COG5: variants seen among roughly 807,000 people sequenced by gnomAD.
COG5 encodes component of oligomeric golgi complex 5.
In COG5, 86 loss-of-function variants were observed where a neutral mutation model predicts 110.4. The observed-to-expected ratio is 0.78, with a 90% CI of 0.65 to 0.93. COG5 has a LOEUF of 0.93. Among genes scored for constraint, COG5 ranks in the 40% least tolerant of loss-of-function variants. The pLI is 0.00. For synonymous variants in COG5, 360 were observed against 334.6 expected, an observed-to-expected ratio of 1.08 and a Z score of -0.83; for missense variants, 1,077 against 987.0, an observed-to-expected ratio of 1.09 and a Z score of -1.22.
intron 6 of COG5, among the ~76,000 whole-genome samples, chr7:107,427,723 G>C (rs868150944): frequency 2.0e-5 from 3 of 152,058 alleles, no homozygotes; most frequent in African/African-American, 7.2e-5. Context: ...CACCAGCTCA[G>C]CCTGTGGCTG....
rs747257974 is a variant in COG5 at position 107,324,440 on chromosome 7, A to G, written c.1108T>C (p.Ser370Pro). The change falls in exon 11 of 22, where the codon TCT (serine) becomes CCT (proline). Residue 370 changes from serine to proline, a missense_variant and splice_region_variant. Transcript: ENST00000297135. ...TTTTCAAAATAAGTAGTAAACTTAC[A>G]GTTTGTTGCCATATGAAATTGAGAA... is the stretch of plus-strand genomic sequence containing the variant. ...LSSQFHMATN[S>P]SMFLKQAFEG... is the part of the protein sequence containing the mutation. The G allele has an allele frequency of 2.6e-6, 4 of 1,551,078 alleles. No homozygotes were observed. Among genetic ancestry groups the G allele is most frequent in the Middle Eastern group, 1.7e-4 (1 of 5,948 alleles).
intron 10 of COG5, among the ~76,000 whole-genome samples, chr7:107,353,434 A>C: frequency 6.6e-6 from 1 of 151,586 alleles, no homozygotes; most frequent in East Asian, 1.9e-4. Flanking sequence ...CAAAAAAAAA[A>C]AAAAAAAAAG....
chr7:107,282,041 T>C lies in COG5; in HGVS notation c.1476-642A>G, dbSNP rs1017413753. On this transcript the variant is annotated intron_variant, in intron 13 of 21. Transcript: ENST00000297135. ...AAAAAAAAGTATTTTACGAAGACCATGGAAAGAACACTAGAAATTAAAAAT... is the reference window on the plus strand; with the variant it reads ...AAAAAAAAGTATTTTACGAAGACCACGGAAAGAACACTAGAAATTAAAAAT... Among the ~76,000 whole-genome samples the C allele has an allele frequency of 2.2e-4, 33 of 149,012 alleles. 1 individual carries two copies. The highest frequency in any genetic ancestry group is 4.0e-4 in the Admixed American group (6 of 14,944).
At chr7:107,458,445 G>C (rs1795795619) in intron 6 of COG5, among the ~76,000 whole-genome samples, 1 of 152,164 alleles carries the variant, frequency 6.6e-6, no homozygotes, top group Non-Finnish European at 1.5e-5. Context: ...AAATTATATT[G>C]TATTAATAGT....
intron 6 of COG5, among the ~76,000 whole-genome samples, chr7:107,460,173 T>C (rs772316341): frequency 3.1e-4 from 47 of 151,456 alleles, no homozygotes; most frequent in Non-Finnish European, 5.3e-4. Flanking sequence ...GAGGCTGAGG[T>C]TGGAGGATTG....
intron 14 of COG5, among the ~76,000 whole-genome samples, chr7:107,263,537 T>C (rs1010778782): frequency 3.9e-5 from 6 of 152,150 alleles, no homozygotes; most frequent in Non-Finnish European, 8.8e-5. Context: ...AAGAGTTGCA[T>C]TTGAGTTTAT....
intron 19 of COG5, among the ~76,000 whole-genome samples, chr7:107,221,122 C>T (rs1361248779): frequency 2.0e-5 from 3 of 151,946 alleles, no homozygotes; most frequent in South Asian, 2.1e-4. Flanking sequence ...TGGCTTCATG[C>T]CCTCACTTCT....
Position 107,474,208 on chromosome 7 carries a change from T to G in COG5, c.538+53029A>C. 6.2e-7 allele frequency: 1 copy of G among 1,613,214 alleles called. No individual in the cohort carries two copies. Among genetic ancestry groups the G allele is most frequent in the Non-Finnish European group, 8.5e-7 (1 of 1,179,342 alleles). On this transcript the variant is annotated intron_variant, in intron 6 of 21. Coordinates refer to ENST00000297135, the MANE Select transcript of COG5 (RefSeq NM_006348.5). This position sits in a 1 kb window ranked among gnomAD's most constrained non-coding sequence, Gnocchi z 5.7. ...AGTGTCTCTCACCGGATTTCTTATGTTAGAAATTGTGTTGGGACTTGGCAG... is the reference window on the plus strand; with the variant it reads ...AGTGTCTCTCACCGGATTTCTTATGGTAGAAATTGTGTTGGGACTTGGCAG...
chr7:107,341,783 C>T (rs1054948779), intron 10 of COG5, among the ~76,000 whole-genome samples: 7 of 152,030 alleles, frequency 4.6e-5, no homozygotes, highest in South Asian at 2.1e-4. Context: ...AATGGAGAAA[C>T]GACTTCTTAT....
In COG5 at chr7:107,474,502, G is replaced by A; in HGVS notation, c.538+52735C>T. The A allele has an allele frequency of 6.2e-7, 1 of 1,613,060 alleles. No homozygotes were observed. The highest frequency in any genetic ancestry group is 8.5e-7 in the Non-Finnish European group (1 of 1,179,390). On this transcript the variant is annotated intron_variant, in intron 6 of 21. Coordinates refer to ENST00000297135, the MANE Select transcript of COG5 (RefSeq NM_006348.5). The surrounding 1 kb of genome is among the most constrained non-coding windows in gnomAD (Gnocchi z 5.7). ...CAGATATGACATCTCTGTAAAACCTGCAAACCGAATTCTGACAATGGGCAG... is the reference window on the plus strand; with the variant it reads ...CAGATATGACATCTCTGTAAAACCTACAAACCGAATTCTGACAATGGGCAG...
intron 6 of COG5, among the ~76,000 whole-genome samples, chr7:107,439,595 A>T (rs1794584494): frequency 6.6e-6 from 1 of 151,946 alleles, no homozygotes; most frequent in Non-Finnish European, 1.5e-5. Flanking sequence ...AAATTTTATT[A>T]ATTATATTTC....
intron 14 of COG5, among the ~76,000 whole-genome samples, chr7:107,263,274 C>G (rs1188772220): frequency 6.6e-6 from 1 of 152,194 alleles, no homozygotes; most frequent in African/African-American, 2.4e-5. Flanking sequence ...AATTCATCTA[C>G]ATGTTCAGCA....
chr7:107,541,980 A>C (rs1021820876), intron 5 of COG5, among the ~76,000 whole-genome samples: 9 of 152,032 alleles, frequency 5.9e-5, no homozygotes, highest in Middle Eastern at 6.8e-3. Context: ...TGGGATTAAC[A>C]GCAGATTACA....
chr7:107,389,532 C>T lies in COG5; in HGVS notation c.670-16772G>A, dbSNP rs147215076. On this transcript the variant is annotated intron_variant, in intron 7 of 21. Coordinates refer to ENST00000297135, the MANE Select transcript of COG5 (RefSeq NM_006348.5). Reference sequence around the variant, plus strand: ...ATACAATCAATGCCGCTTTCCCAAACATTCCTTCCTGTGCTAAAGGACAAA... The same window carrying T: ...ATACAATCAATGCCGCTTTCCCAAATATTCCTTCCTGTGCTAAAGGACAAA... Among the ~76,000 whole-genome samples, 780 of 152,338 alleles carry T rather than the reference C, an allele frequency of 5.1e-3. 5 individuals carry two copies. The highest frequency in any genetic ancestry group is 0.018 in the African/African-American group (745 of 41,576).
intron 14 of COG5, among the ~76,000 whole-genome samples, chr7:107,276,514 A>G (rs1313718413): frequency 1.3e-5 from 2 of 152,164 alleles, no homozygotes; most frequent in Non-Finnish European, 2.9e-5. Context: ...GCTACAAAAA[A>G]TAAGAAAATT....
intron 6 of COG5, among the ~76,000 whole-genome samples, chr7:107,506,599 A>C (rs976855429): frequency 5.3e-5 from 8 of 152,088 alleles, no homozygotes; most frequent in African/African-American, 7.2e-5. Context: ...CACCCAGCTC[A>C]CCCAGCTCCC....
intron 10 of COG5, among the ~76,000 whole-genome samples, chr7:107,345,945 A>C (rs1811565551): frequency 6.6e-6 from 1 of 152,208 alleles, no homozygotes; most frequent in African/African-American, 2.4e-5. Context: ...GAAAATCAGA[A>C]TATACATTAT....
chr7:107,247,222 G>C (rs1194208166), intron 17 of COG5, among the ~76,000 whole-genome samples: 1 of 152,136 alleles, frequency 6.6e-6, no homozygotes, highest in Non-Finnish European at 1.5e-5. Flanking sequence ...CGACTTGACA[G>C]GGGAGGGTGG....
At chr7:107,384,999 C>G (rs997778379) in intron 7 of COG5, among the ~76,000 whole-genome samples, 3 of 152,174 alleles carry the variant, frequency 2.0e-5, no homozygotes, top group African/African-American at 7.2e-5. Flanking sequence ...AACCAAACCT[C>G]AGAATGTGAC....
Sources: gnomAD v4.1 joint callset for allele counts (sites outside exome capture counted in the v4.1 genomes callset) on GRCh38, gnomAD v4.1.1 for gene constraint, Gnocchi (gnomAD v3.1) non-coding constraint, MANE v1.5 for transcripts, NCBI Gene and HGNC (gene_info 2026-07-23, HGNC 2026-07-21) for gene names.